Variants in DNAJB12 observed in about 807,000 individuals in gnomAD.
DNAJB12 encodes dnaJ homolog subfamily B member 12.
DNAJB12 carries 14 observed loss-of-function variants against 40.6 expected under a neutral mutation model. That is an observed-to-expected ratio of 0.34 (90% CI 0.23 to 0.54). DNAJB12 has a LOEUF of 0.54. DNAJB12 is among the 20% of genes least tolerant of loss of function. The pLI, the probability that DNAJB12 is intolerant of heterozygous loss-of-function variation, is 0.92. For missense variants in DNAJB12, 444 were observed against 501.7 expected (o/e 0.89, Z 1.10); for synonymous variants, 181 against 199.5 (o/e 0.91, Z 0.78).
At chr10:72,339,546 A>T (rs1225867566) in intron 5 of DNAJB12, among the ~76,000 whole-genome samples, 1 of 152,088 alleles carries the variant, frequency 6.6e-6, no homozygotes, top group Non-Finnish European at 1.5e-5. Context: ...AAAATTAAAA[A>T]AAAAAAAAAT....
intron 1 of DNAJB12, 80 bp downstream of exon 1, chr10:72,354,685 C>A: frequency 7.4e-7 from 1 of 1,355,034 alleles, no homozygotes; most frequent in East Asian, 2.4e-5. Flanking sequence ...TCCCCCTCCC[C>A]CAACTGCTCC....
In DNAJB12 at chr10:72,341,067, A is replaced by G. The variant is rs1861622521; in HGVS notation, c.561T>C (p.His187=). 3.1e-6 allele frequency: 5 copies of G among 1,614,082 alleles called. No individual in the cohort carries two copies. The highest frequency in any genetic ancestry group is 4.2e-6 in the Non-Finnish European group (5 of 1,180,044). The change falls in exon 4 of 9, where the codon CAT becomes CAC. Residue 187 remains histidine (H), a synonymous_variant. Transcript: ENST00000444643. The part of the protein sequence containing the change: ...KSQAARHGHG[H]GDFHRGFEAD... ...CCTCAAAGCCACGGTGGAAATCCCC[A>G]TGCCCATGGCCGTGCCGGGCCGCCT...
Position 72,335,937 on chromosome 10 carries a change from A to C in DNAJB12, c.1007-6T>G. 1 of 1,614,038 alleles carries C rather than the reference A, an allele frequency of 6.2e-7. No individual in the cohort carries two copies. Among genetic ancestry groups the C allele is most frequent in the Non-Finnish European group, 8.5e-7 (1 of 1,179,928 alleles). ...CCGGTACAGCAAGCCTTCCTCTGCA[A>C]AGCAATGGGACAGGGTTAGTGCACA... On this transcript the variant is annotated splice_region_variant and splice_polypyrimidine_tract_variant and intron_variant, in intron 7 of 8. Coordinates refer to ENST00000444643, the MANE Select transcript of DNAJB12 (RefSeq NM_017626.7). This position sits in a 1 kb window ranked among gnomAD's most constrained non-coding sequence, Gnocchi z 4.4.
At chr10:72,334,852 G>A (rs1589121186) in intron 8 of DNAJB12, 1 of 1,339,822 alleles carries the variant, frequency 7.5e-7, no homozygotes, top group Middle Eastern at 2.7e-4. Flanking sequence ...AAAGGAGGGG[G>A]TGGGCAGGGC....
chr10:72,335,599 C>G lies in DNAJB12; in HGVS notation c.*30+181G>C. 7.2e-7 allele frequency: 1 copy of G among 1,387,882 alleles called. No individual in the cohort carries two copies. The highest frequency in any genetic ancestry group is 9.3e-7 in the Non-Finnish European group (1 of 1,070,356). The allele number at this position is 1,387,882 out of a possible 1,614,324, so 86.0% of individuals were successfully genotyped here. A position where few individuals can be genotyped will look rare whatever the true frequency, so the allele number is the denominator to read the frequency against. ...GACAGCATCGCTAGAGGGCGGAAAC[C>G]GACCTTGGTTTCCCAGCAGGCCCCA... On this transcript the variant is annotated intron_variant, in intron 8 of 8. Coordinates refer to ENST00000444643, the MANE Select transcript of DNAJB12 (RefSeq NM_017626.7). This position sits in a 1 kb window ranked among gnomAD's most constrained non-coding sequence, Gnocchi z 4.4.
intron 1 of DNAJB12, among the ~76,000 whole-genome samples, chr10:72,345,734 A>C (rs997243736): frequency 1.3e-5 from 2 of 151,600 alleles, no homozygotes; most frequent in Non-Finnish European, 2.9e-5. Context: ...AAAAAACCCC[A>C]AAAGACATTT....
chr10:72,352,090 G>A (rs1014237487), intron 1 of DNAJB12, among the ~76,000 whole-genome samples: 1 of 152,094 alleles, frequency 6.6e-6, no homozygotes, highest in African/African-American at 2.4e-5. Flanking sequence ...TCTCCTATTG[G>A]CTTCCTGCCC....
intron 1 of DNAJB12, 112 bp from the exon 2 acceptor site, chr10:72,345,239 T>A: frequency 7.7e-7 from 1 of 1,295,570 alleles, no homozygotes; most frequent in Non-Finnish European, 1.1e-6. Flanking sequence ...CACCAGCTCC[T>A]GCCCTGATTA....
chr10:72,341,414 C>T (rs1861636953), intron 3 of DNAJB12, among the ~76,000 whole-genome samples: 2 of 152,190 alleles, frequency 1.3e-5, no homozygotes, highest in South Asian at 4.1e-4. Context: ...AGACAATGGT[C>T]AAGCTTTGTC....
intron 1 of DNAJB12, among the ~76,000 whole-genome samples, chr10:72,345,641 G>C (rs969461897): frequency 1.3e-5 from 2 of 151,468 alleles, no homozygotes; most frequent in African/African-American, 4.9e-5. Context: ...GGGAGGCTGA[G>C]GCGGGCGGAT....
At chr10:72,344,367 T>TG (rs1218078351) in intron 2 of DNAJB12, among the ~76,000 whole-genome samples, 1 of 152,208 alleles carries the variant, frequency 6.6e-6, no homozygotes, top group Admixed American at 6.5e-5. Context: ...GGCATGACCC[T>TG]GGGGGATTCC....
intron 3 of DNAJB12, among the ~76,000 whole-genome samples, chr10:72,341,868 T>C (rs1426784168): frequency 1.3e-5 from 2 of 152,220 alleles, no homozygotes; most frequent in African/African-American, 2.4e-5. Flanking sequence ...AGCTTTAATA[T>C]GTTACAGAGC....
chr10:72,343,532 G>C, intron 2 of DNAJB12, 21 bp from the exon 3 acceptor site: 1 of 1,613,730 alleles, frequency 6.2e-7, no homozygotes, highest in Non-Finnish European at 8.5e-7. Context: ...AGGAGACCAT[G>C]GTACGGGGTG....
At chr10:72,340,607 C>T (rs1246021891) in intron 5 of DNAJB12, among the ~76,000 whole-genome samples, 182 bp downstream of exon 5, 1 of 152,190 alleles carries the variant, frequency 6.6e-6, no homozygotes, top group African/African-American at 2.4e-5. Context: ...CCTCGTGTGG[C>T]GCCCTCTGGT....
chr10:72,349,374 G>A (rs1190080892), intron 1 of DNAJB12, among the ~76,000 whole-genome samples: 1 of 152,096 alleles, frequency 6.6e-6, no homozygotes, highest in Non-Finnish European at 1.5e-5. Flanking sequence ...CCAAGGCTCA[G>A]GAAGGCAAAG....
intron 2 of DNAJB12, among the ~76,000 whole-genome samples, chr10:72,343,733 C>T (rs929185926): frequency 6.6e-6 from 1 of 152,030 alleles, no homozygotes; most frequent in Non-Finnish European, 1.5e-5. Context: ...AACAGAAGAA[C>T]ACCGTCTGGA....
chr10:72,348,664 T>C (rs1861859950), intron 1 of DNAJB12, among the ~76,000 whole-genome samples: 1 of 152,226 alleles, frequency 6.6e-6, no homozygotes, highest in East Asian at 1.9e-4. Context: ...TTGTGTGATC[T>C]TGCTGAGTCT....
At position 72,334,462 on chromosome 10, in the gene DNAJB12, C is replaced by A. The variant is rs770511144; in HGVS notation, c.*186G>T. On this transcript the variant is annotated 3_prime_UTR_variant, in exon 9 of 9. Coordinates refer to ENST00000444643, the MANE Select transcript of DNAJB12 (RefSeq NM_017626.7). Reference sequence around the variant, plus strand: ...GCAGGTTTTCTGTCTGTCCTAAGAGCTTTCTGCATTTACTGGGTGAGAGAG... The same window carrying A: ...GCAGGTTTTCTGTCTGTCCTAAGAGATTTCTGCATTTACTGGGTGAGAGAG... The A allele has an allele frequency of 4.9e-6, 6 of 1,223,214 alleles. No individual in the cohort carries two copies. The highest frequency in any genetic ancestry group is 3.5e-6 in the Non-Finnish European group (3 of 864,392). The allele number at this position is 1,223,214 out of a possible 1,614,324, so 75.8% of individuals were successfully genotyped here.
At chr10:72,354,719 C>G (rs1403114127) in intron 1 of DNAJB12, 46 bp downstream of exon 1, 5 of 1,530,736 alleles carry the variant, frequency 3.3e-6, no homozygotes, top group Non-Finnish European at 4.5e-6. Context: ...CCGTGTTCCC[C>G]CCATCAGTTC....
Sources: allele counts gnomAD v4.1 joint callset (sites outside exome capture counted in the v4.1 genomes callset), GRCh38; gene constraint gnomAD v4.1.1; non-coding constraint Gnocchi (gnomAD v3.1); transcripts MANE v1.5; gene names NCBI Gene and HGNC (gene_info 2026-07-23, HGNC 2026-07-21).